Variants in SLC9A9 observed in about 807,000 individuals in gnomAD.
SLC9A9 encodes the protein solute carrier family 9 member A9.
A neutral mutation model predicts 77.8 loss-of-function variants in SLC9A9; 62 were observed. The ratio of observed to expected loss-of-function variants is 0.80; its 90% CI spans 0.65 to 0.98. SLC9A9 has a LOEUF of 0.98. Ranked by LOEUF, SLC9A9 falls within the 50% of genes least tolerant of loss-of-function variation. The pLI is 0.00. For synonymous variants in SLC9A9, 320 were observed against 283.5 expected (o/e 1.13, Z -1.29); for missense variants, 775 against 774.9 (o/e 1.00, Z 0.00).
At chr3:143,355,404 T>G (rs1451260693) in intron 14 of SLC9A9, among the ~76,000 whole-genome samples, 1 of 152,220 alleles carries the variant, frequency 6.6e-6, no homozygotes, top group Non-Finnish European at 1.5e-5. Context: ...TGTTAATTCA[T>G]TTAATTATCA....
At chr3:143,711,180 A>G (rs1490970766) in intron 4 of SLC9A9, among the ~76,000 whole-genome samples, 1 of 152,178 alleles carries the variant, frequency 6.6e-6, no homozygotes, top group East Asian at 1.9e-4. Flanking sequence ...TCTAGAACGG[A>G]GAGCTTCAAC....
At chr3:143,690,623 C>A (rs781118738) in intron 5 of SLC9A9, among the ~76,000 whole-genome samples, 13 of 152,170 alleles carry the variant, frequency 8.5e-5, no homozygotes, top group Admixed American at 2.6e-4. Context: ...AAAAATGGCA[C>A]CTTTTGATCA....
At chr3:143,321,005 C>T (rs1178968655) in intron 14 of SLC9A9, among the ~76,000 whole-genome samples, 1 of 152,150 alleles carries the variant, frequency 6.6e-6, no homozygotes, top group East Asian at 1.9e-4. Context: ...TAAGGATTGC[C>T]AGCAATCGTC....
At chr3:143,776,053 C>A (rs745606145) in intron 4 of SLC9A9, among the ~76,000 whole-genome samples, 2 of 152,082 alleles carry the variant, frequency 1.3e-5, no homozygotes, top group Non-Finnish European at 2.9e-5. Flanking sequence ...AAGAAATGTA[C>A]GTGTTCTTAT....
At chr3:143,449,854 ATT>A (rs1423427607) in intron 12 of SLC9A9, among the ~76,000 whole-genome samples, 1 of 58,916 alleles carries the variant, frequency 1.7e-5, no homozygotes, top group African/African-American at 8.4e-5. Context: ...TATATATATA[ATT>A]ATATATATAA....
intron 5 of SLC9A9, among the ~76,000 whole-genome samples, chr3:143,677,065 A>G (rs1447676469): frequency 2.0e-5 from 3 of 152,206 alleles, no homozygotes; most frequent in African/African-American, 7.2e-5. Context: ...GGGACTGCAC[A>G]TGTTCATTGC....
chr3:143,737,642 A>C (rs1253078770), intron 4 of SLC9A9, among the ~76,000 whole-genome samples: 2 of 152,226 alleles, frequency 1.3e-5, no homozygotes, highest in Admixed American at 6.5e-5. Context: ...TTATTAGTTA[A>C]TATTACAGTT....
chr3:143,361,001 G>A (rs2032738304), intron 14 of SLC9A9, among the ~76,000 whole-genome samples: 1 of 152,244 alleles, frequency 6.6e-6, no homozygotes, highest in African/African-American at 2.4e-5. Flanking sequence ...AGGCTTTTCT[G>A]AGGAAGAAAG....
intron 14 of SLC9A9, among the ~76,000 whole-genome samples, chr3:143,329,220 T>C (rs972273817): frequency 2.3e-4 from 35 of 152,292 alleles, no homozygotes; most frequent in African/African-American, 7.5e-4. Flanking sequence ...GCTCTAGCAA[T>C]GTTTTTTGTC....
chr3:143,652,395 G>T, intron 5 of SLC9A9, 35 bp from the exon 6 acceptor site: 1 of 1,539,792 alleles, frequency 6.5e-7, no homozygotes, highest in Non-Finnish European at 8.9e-7. Context: ...AGGTTAGCTT[G>T]GATGCAGGCA....
chr3:143,740,172 C>T lies in SLC9A9; in HGVS notation c.534-46865G>A, dbSNP rs1039854839. On this transcript the variant is annotated intron_variant, in intron 4 of 15. Transcript: ENST00000316549. The stretch of plus-strand genomic sequence containing the variant: ...TAGCAAAGTTATGGATTAACTGTTG[C>T]TTCATGTAGCATAAAACTGTATGAG... 3.9e-5 allele frequency among the ~76,000 whole-genome samples: 6 copies of T among 152,232 alleles called. No homozygotes were observed. The South Asian group carries it at 6.2e-4, about 16-fold the overall frequency.
intron 12 of SLC9A9, among the ~76,000 whole-genome samples, chr3:143,383,605 G>A (rs1188342141): frequency 6.6e-6 from 1 of 152,192 alleles, no homozygotes; most frequent in Non-Finnish European, 1.5e-5. Context: ...GCCTTGGAGG[G>A]CCAGACCAAG....
chr3:143,559,970 T>A (rs1342518117), intron 8 of SLC9A9, among the ~76,000 whole-genome samples: 2 of 152,224 alleles, frequency 1.3e-5, no homozygotes, highest in East Asian at 3.8e-4. Context: ...TTCTTACCAC[T>A]TTGCCTTGCC....
chr3:143,689,870 C>A (rs1933401510), intron 5 of SLC9A9, among the ~76,000 whole-genome samples: 1 of 151,930 alleles, frequency 6.6e-6, no homozygotes, highest in Admixed American at 6.6e-5. Flanking sequence ...GAAAACCAAC[C>A]AAAATCACTG....
At chr3:143,395,535 TG>T (rs1412923354) in intron 12 of SLC9A9, among the ~76,000 whole-genome samples, 1 of 152,176 alleles carries the variant, frequency 6.6e-6, no homozygotes, top group Non-Finnish European at 1.5e-5. Context: ...AACACAGGCA[TG>T]GGCAAGGACT....
At chr3:143,308,826 C>T (rs2030911494) in intron 14 of SLC9A9, among the ~76,000 whole-genome samples, 1 of 152,120 alleles carries the variant, frequency 6.6e-6, no homozygotes, top group African/African-American at 2.4e-5. Context: ...GAGGTTTGGC[C>T]TGGCTTCCCC....
At chr3:143,428,059 A>T (rs2034437177) in intron 12 of SLC9A9, among the ~76,000 whole-genome samples, 1 of 152,242 alleles carries the variant, frequency 6.6e-6, no homozygotes. Context: ...AAGCACAGAC[A>T]ACGAAACTAA....
At chr3:143,786,383 C>G (rs2108851410) in intron 4 of SLC9A9, among the ~76,000 whole-genome samples, 1 of 151,994 alleles carries the variant, frequency 6.6e-6, no homozygotes, top group Admixed American at 6.5e-5. Flanking sequence ...CTTTTTTATT[C>G]CCTCGGGACT....
chr3:143,579,350 C>G (rs562133964), intron 6 of SLC9A9, among the ~76,000 whole-genome samples: 1 of 152,270 alleles, frequency 6.6e-6, no homozygotes, highest in Admixed American at 6.5e-5. Context: ...CTTTTATACC[C>G]CAATTCTGGC....
Sources: gnomAD v4.1 joint callset for allele counts (sites outside exome capture counted in the v4.1 genomes callset) on GRCh38, gnomAD v4.1.1 for gene constraint, MANE v1.5 for transcripts, NCBI Gene and HGNC (gene_info 2026-07-23, HGNC 2026-07-21) for gene names.